The following SEZ6L variants were observed in gnomAD, a reference collection of about 807,000 sequenced individuals.
SEZ6L encodes seizure related 6 homolog like, also known as seizure 6-like protein.
SEZ6L carries 37 observed loss-of-function variants against 106.2 expected under a neutral mutation model. The ratio of observed to expected loss-of-function variants is 0.35; its 90% CI spans 0.27 to 0.46. The LOEUF (loss-of-function observed/expected upper bound fraction) is 0.46, where lower values mean the gene tolerates loss of function less well. SEZ6L is among the 20% of genes least tolerant of loss of function. The pLI is 1.00. For synonymous variants in SEZ6L, 541 were observed against 570.4 expected (o/e 0.95, Z 0.73); for missense variants, 1,172 against 1,332.8 (o/e 0.88, Z 1.88).
chr22:26,207,294 A>G (rs543446684), intron 1 of SEZ6L, among the ~76,000 whole-genome samples: 51 of 152,330 alleles, frequency 3.3e-4, no homozygotes, highest in African/African-American at 1.2e-3. Flanking sequence ...AGGATGCTGT[A>G]AAATGATTGT....
At chr22:26,198,456 C>A (rs1290385669) in intron 1 of SEZ6L, among the ~76,000 whole-genome samples, 12 of 152,170 alleles carry the variant, frequency 7.9e-5, no homozygotes, top group Non-Finnish European at 1.6e-4. Context: ...TTCAGAGAGA[C>A]AATGGGGACA....
At chr22:26,350,522 G>A (rs1462006724) in intron 11 of SEZ6L, among the ~76,000 whole-genome samples, 4 of 151,928 alleles carry the variant, frequency 2.6e-5, no homozygotes, top group Non-Finnish European at 5.9e-5. Context: ...ATGAGCTACC[G>A]TGCCCCACCT....
intron 14 of SEZ6L, 90 bp from the exon 15 acceptor site, chr22:26,375,485 G>T: frequency 9.9e-7 from 1 of 1,005,260 alleles, no homozygotes; most frequent in Non-Finnish European, 1.6e-6. Context: ...TTGGAAAGCC[G>T]TCTCCAAAGG....
chr22:26,353,981 A>C (rs1220443038), intron 12 of SEZ6L, among the ~76,000 whole-genome samples: 1 of 150,068 alleles, frequency 6.7e-6, no homozygotes, highest in Admixed American at 6.6e-5. Context: ...GATTGGACAC[A>C]GTGTCTTCGA....
chr22:26,338,308 G>A (rs912428171), intron 9 of SEZ6L, among the ~76,000 whole-genome samples: 8 of 152,234 alleles, frequency 5.3e-5, no homozygotes, highest in African/African-American at 1.9e-4. Flanking sequence ...CATACCCCAG[G>A]CACACTGACC....
At chr22:26,262,601 C>T (rs902483202) in intron 1 of SEZ6L, among the ~76,000 whole-genome samples, 2 of 152,270 alleles carry the variant, frequency 1.3e-5, no homozygotes, top group South Asian at 4.1e-4. Context: ...GTAAGTGTTA[C>T]CAGCACAGGG....
intron 1 of SEZ6L, among the ~76,000 whole-genome samples, chr22:26,253,534 C>A (rs1050454461): frequency 6.6e-6 from 1 of 152,088 alleles, no homozygotes; most frequent in African/African-American, 2.4e-5. Flanking sequence ...TTTTTTAAAC[C>A]CACAGTGCCG....
chr22:26,206,536 T>G (rs1017682991), intron 1 of SEZ6L, among the ~76,000 whole-genome samples: 8 of 152,194 alleles, frequency 5.3e-5, no homozygotes. Flanking sequence ...TGTCCAAGGT[T>G]ACACAGCTAA....
At chr22:26,326,063 C>A (rs536001963) in intron 9 of SEZ6L, among the ~76,000 whole-genome samples, 1 of 152,184 alleles carries the variant, frequency 6.6e-6, no homozygotes, top group Non-Finnish European at 1.5e-5. Context: ...CTCTCCCCCA[C>A]GATTTGCAGG....
At chr22:26,304,784 T>C (rs779309388) in intron 5 of SEZ6L, among the ~76,000 whole-genome samples, 1 of 152,176 alleles carries the variant, frequency 6.6e-6, no homozygotes, top group Non-Finnish European at 1.5e-5. Flanking sequence ...TAAAAAATAG[T>C]GAGCATCTTC....
chr22:26,331,437 T>G (rs1471305677), intron 9 of SEZ6L, among the ~76,000 whole-genome samples: 2 of 152,202 alleles, frequency 1.3e-5, no homozygotes, highest in African/African-American at 4.8e-5. Flanking sequence ...GCCCCCTCTC[T>G]GGCTCTCCTC....
chr22:26,308,843 C>G (rs1036866551), intron 6 of SEZ6L, among the ~76,000 whole-genome samples: 1 of 152,138 alleles, frequency 6.6e-6, no homozygotes, highest in Non-Finnish European at 1.5e-5. Flanking sequence ...TTGAAGCTTT[C>G]CTCCAGAGCA....
chr22:26,350,993 G>C (rs898122993), intron 11 of SEZ6L, 59 bp from the exon 12 acceptor site: 97 of 1,520,104 alleles, frequency 6.4e-5, no homozygotes, highest in Admixed American at 2.0e-5. Context: ...GTAATTCTCA[G>C]CAAACCCATG....
intron 1 of SEZ6L, among the ~76,000 whole-genome samples, chr22:26,233,813 G>A (rs1470135048): frequency 2.0e-5 from 3 of 152,194 alleles, no homozygotes; most frequent in Admixed American, 6.5e-5. Flanking sequence ...GAGGGTAAAT[G>A]TGGTTCCCTA....
chr22:26,212,429 A>T (rs1008150791), intron 1 of SEZ6L, among the ~76,000 whole-genome samples: 1 of 152,190 alleles, frequency 6.6e-6, no homozygotes, highest in Non-Finnish European at 1.5e-5. Context: ...TTTTTTAAAA[A>T]AATTTTTTTC....
intron 1 of SEZ6L, among the ~76,000 whole-genome samples, chr22:26,265,266 G>A (rs1312476841): frequency 6.6e-6 from 1 of 152,104 alleles, no homozygotes; most frequent in Admixed American, 6.5e-5. Flanking sequence ...CTTATGCTCT[G>A]TCCTCTTCTG....
At chr22:26,372,280 G>A (rs17307269) in intron 13 of SEZ6L, among the ~76,000 whole-genome samples, 2,215 of 152,316 alleles carry the variant, frequency 0.015, 38 homozygotes, top group Non-Finnish European at 0.019. Flanking sequence ...TGGGGTTCAT[G>A]AGCACAGGGC....
intron 4 of SEZ6L, 104 bp downstream of exon 4, chr22:26,297,184 G>T: frequency 1.2e-6 from 1 of 852,414 alleles, no homozygotes; most frequent in South Asian, 2.4e-5. Flanking sequence ...CTGACAGTTT[G>T]GTAAAACCTA....
chr22:26,351,401 A>G (rs2083273846), intron 12 of SEZ6L, 158 bp downstream of exon 12: 2 of 596,280 alleles, frequency 3.4e-6, no homozygotes, highest in Non-Finnish European at 5.8e-6. Flanking sequence ...ACTGATTGGG[A>G]GCACACATAC....
Sources: allele counts gnomAD v4.1 joint callset (sites outside exome capture counted in the v4.1 genomes callset), GRCh38; gene constraint gnomAD v4.1.1; transcripts MANE v1.5; gene names NCBI Gene and HGNC (gene_info 2026-07-23, HGNC 2026-07-21).